Variants in PHF12 observed in about 807,000 individuals in gnomAD.
The protein encoded by PHF12 is PHD factor 1.
Under a neutral mutation model 99.8 loss-of-function variants are expected in PHF12, and 6 were observed. That is an observed-to-expected ratio of 0.06 (90% CI 0.03 to 0.12). The LOEUF (loss-of-function observed/expected upper bound fraction) is 0.12. PHF12 is among the 10% of genes least tolerant of loss of function. The probability of loss-of-function intolerance (pLI) is 1.00; values close to 1 mark genes in which losing one functional copy is unlikely to be tolerated. For missense variants in PHF12, 954 were observed against 1,300.1 expected (o/e 0.73, Z 4.09); for synonymous variants, 480 against 514.9 (o/e 0.93, Z 0.92).
chr17:28,912,376 C>A, intron 9 of PHF12, 106 bp downstream of exon 9: 1 of 1,451,000 alleles, frequency 6.9e-7, no homozygotes, highest in South Asian at 1.5e-5. Context: ...ATACAAAGGC[C>A]AAAGTCCTCT....
chr17:28,943,397 A>G (rs1025434085), intron 2 of PHF12, among the ~76,000 whole-genome samples: 2 of 152,174 alleles, frequency 1.3e-5, no homozygotes, highest in Admixed American at 1.3e-4. Flanking sequence ...TAGGAGGCTG[A>G]GGTGGGTGGA....
chr17:28,908,840 G>A lies in PHF12; in HGVS notation c.2401C>T (p.Leu801Phe). 7 of 1,614,112 alleles carry A rather than the reference G, an allele frequency of 4.3e-6. No individual in the cohort carries two copies. Among genetic ancestry groups the A allele is most frequent in the South Asian group, 1.1e-5 (1 of 91,054 alleles). The change falls in exon 12 of 15, where the codon CTC (leucine) becomes TTC (phenylalanine). Residue 801 changes from leucine to phenylalanine, a missense_variant. Transcript: ENST00000332830. The part of the protein sequence containing the change: ...EVQARAVFYP[L>F]LGLGGAVNMC... ...TTCACAGCTCCTCCCAACCCTAAGA[G>A]GGGGTAGAACACAGCTCGGGCCTGT...
chr17:28,910,423 G>T (rs779382264), intron 10 of PHF12, 54 bp from the exon 11 acceptor site: 93 of 1,558,554 alleles, frequency 6.0e-5, no homozygotes, highest in Non-Finnish European at 7.5e-5. Context: ...GTGGAATGTG[G>T]AAGCAAATCA....
At position 28,950,632 on chromosome 17, in the gene PHF12, G is replaced by A; in HGVS notation, c.66+263C>T. ...GGGGCCAACAAGAAGGGGGTGGGGA[G>A]GCCTGCCGGTGCAACGAGATGGAGT... is the stretch of plus-strand genomic sequence containing the variant. On this transcript the variant is annotated intron_variant, in intron 1 of 14. Transcript: ENST00000332830. The surrounding 1 kb of genome is among the most constrained non-coding windows in gnomAD (Gnocchi z 5.7). 3.7e-6 allele frequency: 2 copies of A among 547,414 alleles called. No homozygotes were observed. The highest frequency in any genetic ancestry group is 6.3e-6 in the Non-Finnish European group (2 of 316,792). The allele number at this position is 547,414 out of a possible 1,614,324, so 33.9% of individuals were successfully genotyped here. A position where few individuals can be genotyped will look rare whatever the true frequency, so the allele number is the denominator to read the frequency against.
At chr17:28,926,948 G>C in intron 3 of PHF12, 43 bp downstream of exon 3, 1 of 1,610,198 alleles carries the variant, frequency 6.2e-7, no homozygotes, top group Non-Finnish European at 8.5e-7. Context: ...TCAGTGCTCT[G>C]GATCAGGCTT....
intron 9 of PHF12, among the ~76,000 whole-genome samples, chr17:28,911,978 A>G (rs1426050790): frequency 6.6e-6 from 1 of 152,256 alleles, no homozygotes; most frequent in Non-Finnish European, 1.5e-5. Context: ...CTCCTCTGAA[A>G]GACAGTGCTG....
At chr17:28,919,087 T>C (rs2040111161) in intron 6 of PHF12, 56 bp downstream of exon 6, 1 of 1,546,060 alleles carries the variant, frequency 6.5e-7, no homozygotes, top group Non-Finnish European at 8.8e-7. Flanking sequence ...TTTCTGCTAA[T>C]CAGTCCACGC....
In PHF12 at chr17:28,924,061, A is replaced by G; in HGVS notation, c.563T>C (p.Ile188Thr). The G allele has an allele frequency of 1.2e-6, 2 of 1,614,188 alleles. No homozygotes were observed. The highest frequency in any genetic ancestry group is 8.5e-7 in the Non-Finnish European group (1 of 1,180,034). Residue 188 changes from isoleucine (I) to threonine (T), a missense_variant, in exon 4 of 15, where the codon ATT (isoleucine) becomes ACT (threonine). Ile to Thr is a moderately conservative substitution (Grantham distance 89). Around this residue, in one of 8 missense-constraint regions of PHF12, gnomAD observed 109 missense variants for 145.4 expected, o/e 0.75. Coordinates refer to ENST00000332830, the MANE Select transcript of PHF12 (RefSeq NM_001033561.2). ...SEQNDVDEDI[I>T]DVDEEPVAAE... is the part of the protein sequence containing the mutation. ...TGCTACTGGTTCCTCATCCACGTCAATGATGTCTTCGTCGACATCATTCTG... is the reference window on the plus strand; with the variant it reads ...TGCTACTGGTTCCTCATCCACGTCAGTGATGTCTTCGTCGACATCATTCTG...
intron 12 of PHF12, 164 bp from the exon 13 acceptor site, chr17:28,907,836 CTG>C (rs1417493297): frequency 3.6e-6 from 2 of 553,684 alleles, no homozygotes; most frequent in Admixed American, 6.0e-5. Flanking sequence ...TGAACAAAAA[CTG>C]TTGTCTTTTC....
At chr17:28,941,671 C>T (rs1042243411) in intron 2 of PHF12, among the ~76,000 whole-genome samples, 5 of 151,858 alleles carry the variant, frequency 3.3e-5, no homozygotes, top group Non-Finnish European at 7.4e-5. Flanking sequence ...AGTGCAATGG[C>T]GTGATCACTG....
intron 2 of PHF12, among the ~76,000 whole-genome samples, chr17:28,943,207 T>C (rs1405953615): frequency 2.0e-5 from 3 of 152,192 alleles, no homozygotes; most frequent in African/African-American, 7.2e-5. Context: ...CCTACACTAC[T>C]GGTAGGAAAG....
Position 28,907,595 on chromosome 17 carries a change from C to A in PHF12, c.2536G>T (p.Asp846Tyr). 6.2e-7 allele frequency: 1 copy of A among 1,613,938 alleles called. No homozygotes were observed. The highest frequency in any genetic ancestry group is 1.1e-5 in the South Asian group (1 of 91,066). The change falls in exon 13 of 15, where the codon GAT becomes TAT. Residue 846 changes from aspartate to tyrosine, a missense_variant. By Grantham distance (160) the Asp-to-Tyr change is radical. Coordinates refer to ENST00000332830, the MANE Select transcript of PHF12 (RefSeq NM_001033561.2). Reference protein sequence around the residue: ...VSGKHACIFYDENTKHYELLN... With the variant: ...VSGKHACIFYYENTKHYELLN... The stretch of plus-strand genomic sequence containing the variant: ...ACCGCATCTCCGGCCCTCACCTCAT[C>A]GTAGAATATGCAGGCATGTTTCCCG...
At chr17:28,923,423 C>T (rs1227397360) in intron 4 of PHF12, among the ~76,000 whole-genome samples, 1 of 150,804 alleles carries the variant, frequency 6.6e-6, no homozygotes, top group African/African-American at 2.4e-5. Context: ...TTCGGGAGGC[C>T]GAGGTGGGCA....
At chr17:28,922,269 A>AT (rs2040180861) in intron 4 of PHF12, among the ~76,000 whole-genome samples, 1 of 152,056 alleles carries the variant, frequency 6.6e-6, no homozygotes, top group Non-Finnish European at 1.5e-5. Flanking sequence ...TTTTATTTTT[A>AT]TTTTTTGAGA....
At chr17:28,907,161 C>A in intron 13 of PHF12, 167 bp from the exon 14 acceptor site, 2 of 735,244 alleles carry the variant, frequency 2.7e-6, no homozygotes, top group Non-Finnish European at 2.2e-6. Flanking sequence ...GACACCTCCT[C>A]AGGGAAGCTT....
intron 12 of PHF12, 110 bp from the exon 13 acceptor site, chr17:28,907,782 G>A: frequency 1.1e-6 from 1 of 946,170 alleles, no homozygotes; most frequent in Non-Finnish European, 1.7e-6. Flanking sequence ...GGCACTAGCA[G>A]AGACTTCAAG....
intron 9 of PHF12, 158 bp downstream of exon 9, chr17:28,912,324 T>G (rs551042075): frequency 7.1e-7 from 1 of 1,407,914 alleles, no homozygotes; most frequent in East Asian, 2.6e-5. Context: ...CAAGTTAACA[T>G]GTGCTTCCTC....
At chr17:28,913,366 CA>C in intron 8 of PHF12, 89 bp from the exon 9 acceptor site, 1 of 1,509,580 alleles carries the variant, frequency 6.6e-7, no homozygotes, top group Non-Finnish European at 8.8e-7. Context: ...GCAGAGCTGA[CA>C]AGCAGTTTCC....
In PHF12 at chr17:28,913,573, G is replaced by C. The variant is rs367886888; in HGVS notation, c.1294-296C>G. ...TTCAGCAATTACCCCGAGCACCTGTGGTATGTCCAGCACTATCACCTAACC... is the reference window on the plus strand; with the variant it reads ...TTCAGCAATTACCCCGAGCACCTGTCGTATGTCCAGCACTATCACCTAACC... On this transcript the variant is annotated intron_variant, in intron 8 of 14. Transcript: ENST00000332830. Among the ~76,000 whole-genome samples, 21 of 152,238 alleles carry C rather than the reference G, an allele frequency of 1.4e-4. 1 individual carries two copies. In the South Asian group the frequency reaches 4.1e-3, roughly 30 times the overall value.
Sources: allele counts gnomAD v4.1 joint callset (sites outside exome capture counted in the v4.1 genomes callset), GRCh38; gene constraint gnomAD v4.1.1; regional missense constraint gnomAD v4.1.1; non-coding constraint Gnocchi (gnomAD v3.1); transcripts MANE v1.5; gene names NCBI Gene and HGNC (gene_info 2026-07-23, HGNC 2026-07-21).